Variants in RYR3 observed in about 807,000 individuals in gnomAD.
The protein encoded by RYR3 is ryanodine receptor 3.
RYR3 carries 207 observed loss-of-function variants against 584.3 expected under a neutral mutation model. That is an observed-to-expected ratio of 0.35 (90% CI 0.32 to 0.40). The LOEUF (loss-of-function observed/expected upper bound fraction) is 0.40, where lower values mean the gene tolerates loss of function less well. Among genes scored for constraint, RYR3 ranks in the 10% least tolerant of loss-of-function variants. RYR3 has a pLI of 1.00. For missense variants in RYR3, 5,616 were observed against 6,089.2 expected (o/e 0.92, Z 2.59); for synonymous variants, 2,416 against 2,248.5 (o/e 1.07, Z -2.11).
intron 38 of RYR3, among the ~76,000 whole-genome samples, chr15:33,691,095 G>C (rs7169195): frequency 0.27 from 40,464 of 152,008 alleles, 5,904 homozygotes; most frequent in African/African-American, 0.39. Flanking sequence ...ATATTCTTCT[G>C]TAAAACTATA....
chr15:33,739,886 G>A lies in RYR3; in HGVS notation c.7711G>A (p.Gly2571Arg), dbSNP rs1160870610. The change falls in exon 51 of 104, where the codon GGG (glycine) becomes AGG (arginine). Residue 2571 changes from glycine (G) to arginine (R), a missense_variant. Gly to Arg is a moderately radical substitution (Grantham distance 125). Transcript: ENST00000634891. ...CCTGCCTTGTCTCAGTGCTATAGCT[G>A]GGGCCTTGCCACCAGATTATTTAGA... The part of the protein sequence containing the change: ...MALPCLSAIA[G>R]ALPPDYLDTR... The A allele has an allele frequency of 6.2e-7, 1 of 1,613,548 alleles. No individual in the cohort carries two copies. Among genetic ancestry groups the A allele is most frequent in the East Asian group, 2.2e-5 (1 of 44,876 alleles).
intron 1 of RYR3, among the ~76,000 whole-genome samples, chr15:33,348,371 C>G (rs1972745671): frequency 6.6e-6 from 1 of 152,236 alleles, no homozygotes; most frequent in African/African-American, 2.4e-5. Context: ...ATCTTTTCCT[C>G]TCTCACTTCA....
chr15:33,336,447 AG>A (rs1233236479), intron 1 of RYR3, among the ~76,000 whole-genome samples: 2,371 of 19,822 alleles, frequency 0.12, 535 homozygotes, highest in African/African-American at 0.33. Flanking sequence ...AGAAAGAGAG[AG>A]AGAGAGAGAG....
At chr15:33,326,789 G>A (rs1969756332) in intron 1 of RYR3, among the ~76,000 whole-genome samples, 1 of 152,110 alleles carries the variant, frequency 6.6e-6, no homozygotes, top group African/African-American at 2.4e-5. Flanking sequence ...AGGTAATGGA[G>A]AACTAGCTAA....
At chr15:33,742,492 C>A (rs2070248158) in intron 52 of RYR3, 48 bp downstream of exon 52, 1 of 1,277,058 alleles carries the variant, frequency 7.8e-7, no homozygotes, top group African/African-American at 1.5e-5. Context: ...AAAAACAGCC[C>A]AAGAACATTA....
intron 1 of RYR3, among the ~76,000 whole-genome samples, chr15:33,471,968 G>GA (rs1248146359): frequency 6.6e-6 from 1 of 152,090 alleles, no homozygotes; most frequent in Non-Finnish European, 1.5e-5. Context: ...TCCACCTGAG[G>GA]AAAAATTTCA....
At chr15:33,771,136 C>T (rs4541047) in intron 62 of RYR3, among the ~76,000 whole-genome samples, 151,681 of 152,364 alleles carry the variant, frequency 1, 75,506 homozygotes, top group Middle Eastern at 1. Context: ...GGACGTTTCC[C>T]GCAAACTAAC....
intron 40 of RYR3, among the ~76,000 whole-genome samples, chr15:33,698,591 G>A (rs1596215971): frequency 6.6e-6 from 1 of 151,590 alleles, no homozygotes; most frequent in Non-Finnish European, 1.5e-5. Context: ...AGTAGATCGG[G>A]TATGGCTTCA....
intron 67 of RYR3, among the ~76,000 whole-genome samples, chr15:33,795,085 G>C (rs946213109): frequency 6.6e-6 from 1 of 152,156 alleles, no homozygotes; most frequent in Non-Finnish European, 1.5e-5. Flanking sequence ...AATCCCTCTT[G>C]TGGCAGCTCT....
At chr15:33,472,320 C>T (rs1411909524) in intron 1 of RYR3, among the ~76,000 whole-genome samples, 1 of 152,188 alleles carries the variant, frequency 6.6e-6, no homozygotes, top group South Asian at 2.1e-4. Flanking sequence ...ATTTTATTTT[C>T]TTCACTTCGT....
At chr15:33,437,835 T>C (rs2676025) in intron 1 of RYR3, among the ~76,000 whole-genome samples, 100,094 of 152,042 alleles carry the variant, frequency 0.66, 34,777 homozygotes, top group African/African-American at 0.91. Flanking sequence ...CGGGCTCAAG[T>C]GTTCCTCCCA....
At chr15:33,325,827 G>T (rs1173717189) in intron 1 of RYR3, among the ~76,000 whole-genome samples, 3 of 148,676 alleles carry the variant, frequency 2.0e-5, no homozygotes, top group Non-Finnish European at 3.0e-5. Flanking sequence ...GTTGAGACAG[G>T]GTCTCACTCT....
chr15:33,579,818 T>C (rs1450341121), intron 12 of RYR3, among the ~76,000 whole-genome samples, 158 bp from the exon 13 acceptor site: 6 of 152,224 alleles, frequency 3.9e-5, no homozygotes, highest in Admixed American at 3.9e-4. Flanking sequence ...TGCTCTGATA[T>C]CTGGGAAACT....
At chr15:33,497,823 C>T (rs1316767158) in intron 2 of RYR3, among the ~76,000 whole-genome samples, 2 of 152,088 alleles carry the variant, frequency 1.3e-5, no homozygotes. Context: ...ATTTATTATT[C>T]CTGGCTAGCT....
chr15:33,473,366 G>A (rs1362010474), intron 1 of RYR3, 53 bp from the exon 2 acceptor site: 5 of 1,610,860 alleles, frequency 3.1e-6, no homozygotes, highest in Non-Finnish European at 4.2e-6. Flanking sequence ...GTGACTCGGG[G>A]CCTGGCTCAG....
chr15:33,651,613 T>G (rs2062470021), intron 31 of RYR3, among the ~76,000 whole-genome samples: 1 of 152,154 alleles, frequency 6.6e-6, no homozygotes, highest in African/African-American at 2.4e-5. Context: ...GTGAAGCAAC[T>G]CTCAGAGTTT....
intron 1 of RYR3, among the ~76,000 whole-genome samples, chr15:33,354,111 G>A (rs1169644653): frequency 1.3e-5 from 2 of 152,186 alleles, no homozygotes; most frequent in South Asian, 2.1e-4. Flanking sequence ...GCAAAATTTG[G>A]TGAGTACTTA....
chr15:33,743,077 C>T (rs72715104), intron 52 of RYR3, among the ~76,000 whole-genome samples: 20,645 of 152,084 alleles, frequency 0.14, 1,501 homozygotes, highest in South Asian at 0.25. Flanking sequence ...TGTGGGCAGC[C>T]AGTTAAGGAT....
intron 1 of RYR3, among the ~76,000 whole-genome samples, chr15:33,317,678 C>T (rs1006418861): frequency 7.2e-5 from 11 of 152,132 alleles, no homozygotes; most frequent in Non-Finnish European, 1.3e-4. Context: ...TTCTGATTCC[C>T]GGTTGTTAGA....
Sources: gnomAD v4.1 joint callset for allele counts (sites outside exome capture counted in the v4.1 genomes callset) on GRCh38, gnomAD v4.1.1 for gene constraint, MANE v1.5 for transcripts, NCBI Gene and HGNC (gene_info 2026-07-23, HGNC 2026-07-21) for gene names.